The following PKNOX2 variants were observed in gnomAD, a reference collection of about 807,000 sequenced individuals.
PKNOX2 encodes the protein homeobox protein PKNOX2.
A neutral mutation model predicts 53.1 loss-of-function variants in PKNOX2; 14 were observed. The observed-to-expected ratio is 0.26, with a 90% CI of 0.17 to 0.41. The LOEUF (loss-of-function observed/expected upper bound fraction) is 0.41, where lower values mean the gene tolerates loss of function less well. PKNOX2 is among the 10% of genes least tolerant of loss of function. The pLI, the probability that PKNOX2 is intolerant of heterozygous loss-of-function variation, is 1.00. For synonymous variants in PKNOX2, 257 were observed against 242.8 expected (o/e 1.06, Z -0.54); for missense variants, 496 against 602.8 (o/e 0.82, Z 1.85).
chr11:125,283,430 C>G (rs1031193645), intron 2 of PKNOX2, among the ~76,000 whole-genome samples: 2 of 152,206 alleles, frequency 1.3e-5, no homozygotes, highest in African/African-American at 2.4e-5. Flanking sequence ...TTGAAGCTTC[C>G]TCCTCCTCTC....
intron 6 of PKNOX2, among the ~76,000 whole-genome samples, chr11:125,393,697 G>A (rs964593752): frequency 6.6e-6 from 1 of 152,104 alleles, no homozygotes; most frequent in Admixed American, 6.5e-5. Context: ...GACCCCGGGG[G>A]GCTGTGCCAG....
intron 3 of PKNOX2, among the ~76,000 whole-genome samples, chr11:125,347,522 A>G (rs1385539271): frequency 6.6e-6 from 1 of 152,080 alleles, no homozygotes; most frequent in Non-Finnish European, 1.5e-5. Context: ...GGGGCTCCAG[A>G]CTGCCGACCT....
chr11:125,397,924 A>G lies in PKNOX2; in HGVS notation c.450A>G (p.Lys150=). The G allele has an allele frequency of 6.2e-7, 1 of 1,614,058 alleles. No individual in the cohort carries two copies. The change falls in exon 7 of 13, where the codon AAA becomes AAG. Residue 150 remains lysine (K), a synonymous_variant. Coordinates refer to ENST00000298282, the MANE Select transcript of PKNOX2 (RefSeq NM_001382323.2). ...VLRIHLLELE[K]VNELCKDFCN... is the part of the protein sequence containing the mutation. The stretch of plus-strand genomic sequence containing the variant: ...GAATCCACCTGCTGGAGCTGGAGAA[A>G]GTCAATGAACTCTGCAAGGACTTTT...
intron 1 of PKNOX2, among the ~76,000 whole-genome samples, chr11:125,224,743 TC>T: frequency 6.6e-6 from 1 of 152,296 alleles, no homozygotes; most frequent in African/African-American, 2.4e-5. Context: ...AGAATCAGCA[TC>T]CCAGAACCAT....
Position 125,429,066 on chromosome 11 carries a change from AC to A in PKNOX2, c.994del (p.Leu332SerfsTer4), listed in dbSNP as rs1393180968. ...GCAGATCGCAGCCCAGACCAACCTC[AC>A]CCTCCTGCAAGTAAACAACTGGTGA... ...KRQIAAQTNL[T>X]LLQVNNWFIN... On this transcript the variant is annotated frameshift_variant, in exon 11 of 13. Transcript: ENST00000298282. LOFTEE classifies it high-confidence loss of function. The A allele has an allele frequency of 6.2e-7, 1 of 1,612,618 alleles. No individual in the cohort carries two copies. Among genetic ancestry groups the A allele is most frequent in the Non-Finnish European group, 8.5e-7 (1 of 1,179,218 alleles).
intron 5 of PKNOX2, among the ~76,000 whole-genome samples, chr11:125,376,370 G>A (rs572192720): frequency 6.6e-6 from 1 of 152,190 alleles, no homozygotes; most frequent in East Asian, 1.9e-4. Flanking sequence ...ACCAGGGGCC[G>A]CTGGCTCGCT....
Position 125,165,259 on chromosome 11 carries a change from G to A in PKNOX2, c.-201+483G>A, listed in dbSNP as rs1954772304. On this transcript the variant is annotated intron_variant, in intron 1 of 12. Coordinates refer to ENST00000298282, the MANE Select transcript of PKNOX2 (RefSeq NM_001382323.2). This position sits in a 1 kb window ranked among gnomAD's most constrained non-coding sequence, Gnocchi z 4.5. ...CTCGAATCGCCGCGGGCCCAACCCC[G>A]TAGCGGGCGGGCGGGGAGCTGTGCG... 6.6e-6 allele frequency among the ~76,000 whole-genome samples: 1 copy of A among 151,996 alleles called. No individual in the cohort carries two copies. Among genetic ancestry groups the A allele is most frequent in the Non-Finnish European group, 1.5e-5 (1 of 67,986 alleles).
At chr11:125,300,161 T>C (rs1173802085) in intron 2 of PKNOX2, among the ~76,000 whole-genome samples, 2 of 152,134 alleles carry the variant, frequency 1.3e-5, no homozygotes, top group Admixed American at 1.3e-4. Flanking sequence ...GATTTTGGAG[T>C]GGCTTCTTTG....
At chr11:125,339,272 T>C (rs761485776) in intron 3 of PKNOX2, among the ~76,000 whole-genome samples, 6 of 152,212 alleles carry the variant, frequency 3.9e-5, no homozygotes, top group Non-Finnish European at 5.9e-5. Context: ...CCATTCAGAC[T>C]GCTGCCTGGA....
chr11:125,270,773 T>C (rs983503096), intron 2 of PKNOX2, among the ~76,000 whole-genome samples: 2 of 152,204 alleles, frequency 1.3e-5, no homozygotes, highest in Non-Finnish European at 2.9e-5. Context: ...TCTGATGCAC[T>C]CTGCATTTCA....
At chr11:125,268,155 GC>G (rs1358514276) in intron 2 of PKNOX2, among the ~76,000 whole-genome samples, 1 of 152,192 alleles carries the variant, frequency 6.6e-6, no homozygotes, top group Admixed American at 6.5e-5. Context: ...TGGCCCACCT[GC>G]CCCTCCCTGC....
chr11:125,385,623 C>T lies in PKNOX2; in HGVS notation c.300C>T (p.Ile100=), dbSNP rs761267254. Residue 100 remains isoleucine (I), a synonymous_variant, in exon 6 of 13, where the codon ATC becomes ATT. Transcript: ENST00000298282. ...CEQATQGSEC[I]TSASFDVDIE... is the part of the protein sequence containing the mutation. ...AGGCCACCCAGGGCTCTGAGTGCAT[C>T]ACCTCCGCCAGCTTTGATGTGGACA... 12 of 1,613,694 alleles carry T rather than the reference C, an allele frequency of 7.4e-6. 1 individual carries two copies. The highest frequency in any genetic ancestry group is 1.7e-5 in the Admixed American group (1 of 59,942).
At chr11:125,367,093 C>T (rs935640720) in intron 4 of PKNOX2, among the ~76,000 whole-genome samples, 1 of 152,124 alleles carries the variant, frequency 6.6e-6, no homozygotes, top group African/African-American at 2.4e-5. Flanking sequence ...GCATGAAACT[C>T]CATAGTGATG....
At chr11:125,409,525 C>T (rs1018092097) in intron 7 of PKNOX2, among the ~76,000 whole-genome samples, 5 of 152,046 alleles carry the variant, frequency 3.3e-5, no homozygotes, top group Non-Finnish European at 7.4e-5. Flanking sequence ...AAGGCTAGGG[C>T]GGCTTTCATT....
chr11:125,328,147 C>T (rs1949933458), intron 2 of PKNOX2, among the ~76,000 whole-genome samples: 1 of 152,192 alleles, frequency 6.6e-6, no homozygotes, highest in African/African-American at 2.4e-5. Flanking sequence ...GAGGCCACAC[C>T]AGGCAGGCAG....
chr11:125,360,857 T>A (rs546924709), intron 4 of PKNOX2, among the ~76,000 whole-genome samples: 31 of 152,252 alleles, frequency 2.0e-4, no homozygotes, highest in Non-Finnish European at 3.2e-4. Flanking sequence ...AGTATAATTA[T>A]TCCCATTTTA....
At chr11:125,243,462 G>A (rs373779630) in intron 2 of PKNOX2, among the ~76,000 whole-genome samples, 21 of 152,250 alleles carry the variant, frequency 1.4e-4, no homozygotes, top group Middle Eastern at 3.4e-3. Context: ...TCCATGTCTC[G>A]TTATCTTTGC....
intron 4 of PKNOX2, among the ~76,000 whole-genome samples, chr11:125,363,003 C>T (rs1435479506): frequency 6.6e-6 from 1 of 152,220 alleles, no homozygotes; most frequent in Non-Finnish European, 1.5e-5. Flanking sequence ...GGCAGGGTTT[C>T]CTTAGCTGCG....
intron 2 of PKNOX2, among the ~76,000 whole-genome samples, chr11:125,268,652 G>A (rs1027538517): frequency 1.3e-5 from 2 of 152,208 alleles, no homozygotes; most frequent in African/African-American, 4.8e-5. Context: ...GGTCTGGTTG[G>A]CCTTAGAATA....
Sources: allele counts gnomAD v4.1 joint callset (sites outside exome capture counted in the v4.1 genomes callset), GRCh38; gene constraint gnomAD v4.1.1; non-coding constraint Gnocchi (gnomAD v3.1); transcripts MANE v1.5; gene names NCBI Gene and HGNC (gene_info 2026-07-23, HGNC 2026-07-21).